The following SLCO1A2 variants were observed in gnomAD, a reference collection of about 807,000 sequenced individuals.
SLCO1A2 encodes solute carrier organic anion transporter family member 1A2, also known as OATP-1.
Under a neutral mutation model 69.0 loss-of-function variants are expected in SLCO1A2, and 67 were observed. The ratio of observed to expected loss-of-function variants is 0.97; its 90% confidence interval spans 0.80 to 1.19. SLCO1A2 has a LOEUF of 1.19. Among genes scored for constraint, SLCO1A2 ranks in the 50% most tolerant of loss-of-function variants. The pLI, the probability that SLCO1A2 is intolerant of heterozygous loss-of-function variation, is 0.00. For missense variants in SLCO1A2, 787 were observed against 793.7 expected (o/e 0.99, Z 0.10); for synonymous variants, 260 against 265.9 (o/e 0.98, Z 0.22).
intron 7 of SLCO1A2, 23 bp from the exon 8 acceptor site, chr12:21,300,592 T>G: frequency 1.3e-6 from 2 of 1,535,624 alleles, no homozygotes; most frequent in Non-Finnish European, 1.8e-6. Context: ...ACACACACTG[T>G]TATTAGCTTA....
At chr12:21,311,644 G>T (rs1007809531) in intron 4 of SLCO1A2, 1 of 151,690 alleles carries the variant, frequency 6.6e-6, no homozygotes, top group African/African-American at 2.4e-5. Context: ...CTGAAAGTCC[G>T]AGATGGCATC....
intron 2 of SLCO1A2, among the ~76,000 whole-genome samples, chr12:21,366,603 A>G (rs1319956311): frequency 2.6e-5 from 4 of 152,102 alleles, no homozygotes; most frequent in African/African-American, 9.6e-5. Flanking sequence ...AACAAAAGGG[A>G]TCTGAAGGAA....
At chr12:21,395,565 G>C (rs1941414203), upstream of SLCO1A2, 1 of 152,340 alleles carries the variant, frequency 6.6e-6, no homozygotes. Context: ...CCACCTCTGG[G>C]GGCAGGGCAC....
At chr12:21,282,911 G>T (rs550800758) in intron 12 of SLCO1A2, among the ~76,000 whole-genome samples, 2 of 152,142 alleles carry the variant, frequency 1.3e-5, no homozygotes, top group South Asian at 4.2e-4. Context: ...AAACATTGGT[G>T]CAAGAAATTG....
intron 5 of SLCO1A2, among the ~76,000 whole-genome samples, chr12:21,304,977 C>T (rs1949178514): frequency 6.6e-6 from 1 of 152,176 alleles, no homozygotes; most frequent in Non-Finnish European, 1.5e-5. Flanking sequence ...CCCATTCCTA[C>T]CCAACTTTGG....
At chr12:21,353,810 A>G (rs1938151910) in intron 2 of SLCO1A2, among the ~76,000 whole-genome samples, 1 of 152,216 alleles carries the variant, frequency 6.6e-6, no homozygotes, top group Non-Finnish European at 1.5e-5. Context: ...TCAAGTGGTC[A>G]TTCACAGCTA....
chr12:21,383,969 A>G (rs1027068543), intron 1 of SLCO1A2, among the ~76,000 whole-genome samples: 3 of 152,204 alleles, frequency 2.0e-5, no homozygotes, highest in Non-Finnish European at 2.9e-5. Flanking sequence ...TTTATAATAC[A>G]GTGTGATTAA....
chr12:21,342,965 G>A (rs554234123), intron 2 of SLCO1A2, among the ~76,000 whole-genome samples: 1 of 152,086 alleles, frequency 6.6e-6, no homozygotes, highest in South Asian at 2.1e-4. Context: ...ATGAACATAC[G>A]CTCATACTTA....
intron 1 of SLCO1A2, among the ~76,000 whole-genome samples, chr12:21,402,148 A>C (rs570935131): frequency 3.6e-4 from 54 of 150,892 alleles, no homozygotes; most frequent in African/African-American, 1.2e-3. Flanking sequence ...AAAAAAAAAA[A>C]CCAAGAAACT....
chr12:21,304,333 G>T, intron 6 of SLCO1A2, 94 bp downstream of exon 6: 1 of 1,017,158 alleles, frequency 9.8e-7, no homozygotes. Flanking sequence ...ACTCATCATT[G>T]TGGAAATCAC....
intron 5 of SLCO1A2, among the ~76,000 whole-genome samples, chr12:21,306,071 G>A (rs1949343334): frequency 6.6e-6 from 1 of 151,836 alleles, no homozygotes; most frequent in African/African-American, 2.4e-5. Context: ...CTCCAGTAGA[G>A]GGGGAAAAAA....
intron 2 of SLCO1A2, among the ~76,000 whole-genome samples, chr12:21,365,401 T>A (rs1312573901): frequency 6.6e-6 from 1 of 152,068 alleles, no homozygotes; most frequent in African/African-American, 2.4e-5. Flanking sequence ...TCAGTTCAAG[T>A]GGGATTAAAG....
At chr12:21,415,319 A>C (rs1941972392) in intron 1 of SLCO1A2, among the ~76,000 whole-genome samples, 1 of 152,100 alleles carries the variant, frequency 6.6e-6, no homozygotes, top group Non-Finnish European at 1.5e-5. Context: ...GTTTTTGTGA[A>C]TATATTTGGG....
chr12:21,316,908 A>G (rs1466043682), intron 3 of SLCO1A2, among the ~76,000 whole-genome samples: 7 of 152,250 alleles, frequency 4.6e-5, no homozygotes, highest in African/African-American at 7.2e-5. Context: ...ATATGTTCAG[A>G]TGACAATATG....
intron 2 of SLCO1A2, among the ~76,000 whole-genome samples, chr12:21,325,258 A>T (rs929947272): frequency 6.6e-6 from 1 of 152,166 alleles, no homozygotes; most frequent in East Asian, 1.9e-4. Context: ...ATAGTACTTG[A>T]TAGGAGAAAC....
intron 1 of SLCO1A2, among the ~76,000 whole-genome samples, chr12:21,409,990 T>C (rs1941881546): frequency 6.6e-6 from 1 of 152,210 alleles, no homozygotes; most frequent in South Asian, 2.1e-4. Flanking sequence ...ATCCTTCATT[T>C]GGAGAATATT....
At chr12:21,281,933 T>C (rs1944873043) in intron 12 of SLCO1A2, among the ~76,000 whole-genome samples, 1 of 152,056 alleles carries the variant, frequency 6.6e-6, no homozygotes, top group Non-Finnish European at 1.5e-5. Context: ...AGATTGAAGC[T>C]GTAATAAAGT....
intron 2 of SLCO1A2, among the ~76,000 whole-genome samples, chr12:21,341,841 G>A (rs570872582): frequency 1.1e-4 from 17 of 151,978 alleles, no homozygotes; most frequent in African/African-American, 3.6e-4. Context: ...GTTCAAGGTC[G>A]GGATAGTGTC....
intron 2 of SLCO1A2, among the ~76,000 whole-genome samples, chr12:21,329,405 C>T (rs375649090): frequency 2.0e-5 from 3 of 152,094 alleles, no homozygotes; most frequent in African/African-American, 4.8e-5. Flanking sequence ...GACAGACCCA[C>T]CTCTGGGCCT....
Sources: allele counts gnomAD v4.1 joint callset (sites outside exome capture counted in the v4.1 genomes callset), GRCh38; gene constraint gnomAD v4.1.1; transcripts MANE v1.5; gene names NCBI Gene and HGNC (gene_info 2026-07-23, HGNC 2026-07-21).